The following SAFB2 variants were observed in gnomAD, a reference collection of about 807,000 sequenced individuals.
SAFB2 encodes the protein scaffold attachment factor B2.
In SAFB2, 32 loss-of-function variants were observed where a neutral mutation model predicts 100.6. The observed-to-expected ratio is 0.32, with a 90% CI of 0.24 to 0.43. The LOEUF (loss-of-function observed/expected upper bound fraction) is 0.43. SAFB2 is among the 20% of genes least tolerant of loss of function. The pLI is 1.00. For missense variants in SAFB2, 1,185 were observed against 1,163.4 expected (o/e 1.02, Z -0.27); for synonymous variants, 500 against 439.4 (o/e 1.14, Z -1.72).
intron 16 of SAFB2, 46 bp downstream of exon 16, chr19:5,592,701 G>C: frequency 6.2e-7 from 1 of 1,608,268 alleles, no homozygotes; most frequent in Non-Finnish European, 8.5e-7. Flanking sequence ...TGGATGCCCC[G>C]GTGCCCACAA....
chr19:5,618,526 G>A (rs901299381), intron 2 of SAFB2, among the ~76,000 whole-genome samples: 1 of 152,212 alleles, frequency 6.6e-6, no homozygotes, highest in African/African-American at 2.4e-5. Context: ...AACAACGCTA[G>A]CAGGTTTTAT....
At chr19:5,618,885 T>C (rs1213232367) in intron 2 of SAFB2, among the ~76,000 whole-genome samples, 1 of 152,228 alleles carries the variant, frequency 6.6e-6, no homozygotes, top group Non-Finnish European at 1.5e-5. Context: ...ATCTAAAACT[T>C]AAATTTTTAA....
At chr19:5,600,099 C>A (rs2052622800) in intron 12 of SAFB2, 31 bp downstream of exon 12, 1 of 1,599,420 alleles carries the variant, frequency 6.3e-7, no homozygotes, top group African/African-American at 1.4e-5. Context: ...CAGGCCTTCC[C>A]CTTCCACAGC....
intron 13 of SAFB2, among the ~76,000 whole-genome samples, chr19:5,598,256 A>T (rs937051002): frequency 6.6e-6 from 1 of 152,192 alleles, no homozygotes; most frequent in Non-Finnish European, 1.5e-5. Flanking sequence ...TAGAACCTGC[A>T]GCTGGGAAGC....
chr19:5,620,927 G>A (rs1047154084), intron 2 of SAFB2, among the ~76,000 whole-genome samples: 3 of 152,128 alleles, frequency 2.0e-5, no homozygotes, highest in African/African-American at 7.2e-5. Flanking sequence ...GTTCTATTCG[G>A]TCTCAGGTTG....
Position 5,622,591 on chromosome 19 carries a change from A to G in SAFB2, c.125T>C (p.Leu42Pro). 1.2e-6 allele frequency: 2 copies of G among 1,612,838 alleles called. No homozygotes were observed. The highest frequency in any genetic ancestry group is 1.7e-6 in the Non-Finnish European group (2 of 1,179,646). ...ELRVIDLRAE[L>P]KKRNLDTGGN... The stretch of plus-strand genomic sequence containing the variant: ...GCCCGTGTCCAGGTTCCGCTTCTTC[A>G]GCTCCGCCCGCAGATCGATCACCCG... The change falls in exon 1 of 21, where the codon CTG (leucine) becomes CCG (proline). Residue 42 changes from leucine (L) to proline (P), a missense_variant. By Grantham distance (98) the Leu-to-Pro change is moderately conservative. This residue lies in a region of SAFB2 where 351 missense variants were observed against 341.2 expected (regional missense o/e 1.03). Transcript: ENST00000252542.
chr19:5,621,861 C>T (rs990402853), intron 1 of SAFB2, among the ~76,000 whole-genome samples: 3 of 152,234 alleles, frequency 2.0e-5, no homozygotes, highest in Non-Finnish European at 4.4e-5. Context: ...CAAGCTCCCT[C>T]CCTATGCTCA....
chr19:5,619,776 C>T (rs550104747), intron 2 of SAFB2, among the ~76,000 whole-genome samples: 1 of 150,836 alleles, frequency 6.6e-6, no homozygotes, highest in Admixed American at 6.7e-5. Context: ...ACCCGGGAGG[C>T]GGAGGTTGCA....
At chr19:5,593,404 G>A (rs1411033987) in intron 15 of SAFB2, among the ~76,000 whole-genome samples, 1 of 152,176 alleles carries the variant, frequency 6.6e-6, no homozygotes, top group East Asian at 1.9e-4. Context: ...GGTGAAGGGT[G>A]ACTGTCAATT....
intron 18 of SAFB2, 137 bp from the exon 19 acceptor site, chr19:5,588,117 A>G (rs2052303907): frequency 1.3e-6 from 1 of 742,358 alleles, no homozygotes; most frequent in East Asian, 2.8e-5. Flanking sequence ...TGGGCAAATC[A>G]AGGGAAGGGA....
intron 18 of SAFB2, among the ~76,000 whole-genome samples, chr19:5,589,989 T>C (rs1254727962): frequency 2.0e-5 from 3 of 152,150 alleles, no homozygotes; most frequent in African/African-American, 7.2e-5. Context: ...TCCCAGTGTG[T>C]ACGCAGCCCA....
chr19:5,607,439 G>T (rs534840164), intron 9 of SAFB2, among the ~76,000 whole-genome samples: 1 of 152,294 alleles, frequency 6.6e-6, no homozygotes, highest in African/African-American at 2.4e-5. Context: ...TATTCCCACA[G>T]AGTTCTTGCA....
At chr19:5,596,520 T>G (rs1322195410) in intron 13 of SAFB2, among the ~76,000 whole-genome samples, 1 of 152,170 alleles carries the variant, frequency 6.6e-6, no homozygotes, top group Non-Finnish European at 1.5e-5. Context: ...AATTTTTCTA[T>G]TTTTGTAGAG....
intron 2 of SAFB2, among the ~76,000 whole-genome samples, chr19:5,617,275 T>C (rs1383897432): frequency 6.6e-6 from 1 of 152,124 alleles, no homozygotes; most frequent in African/African-American, 2.4e-5. Context: ...AGAACTTTTT[T>C]TTTTCCCCCA....
chr19:5,621,462 G>C, intron 1 of SAFB2, 66 bp from the exon 2 acceptor site: 1 of 1,020,350 alleles, frequency 9.8e-7, no homozygotes, highest in Admixed American at 1.7e-5. Flanking sequence ...TTCCTTACAA[G>C]TAACAACCTC....
Position 5,604,864 on chromosome 19 carries a change from T to C in SAFB2, c.1369A>G (p.Thr457Ala), listed in dbSNP as rs61748936. Residue 457 changes from threonine to alanine, a missense_variant, in exon 10 of 21, where the codon ACA becomes GCA. Transcript: ENST00000252542. The stretch of plus-strand genomic sequence containing the variant: ...ATGCACTTGGTCGCCTCGTCAGATG[T>C]CGACATGGTGACGAATCCATAGCAT... ...ARCYGFVTMSTSDEATKCISH... is the reference protein window; with the variant it reads ...ARCYGFVTMSASDEATKCISH... 0.01 allele frequency: 16,894 copies of C among 1,614,160 alleles called. 108 individuals are homozygous for C. Among genetic ancestry groups the C allele is most frequent in the Non-Finnish European group, 0.013 (15,150 of 1,180,036 alleles).
chr19:5,588,503 G>A (rs1430208720), intron 18 of SAFB2, among the ~76,000 whole-genome samples: 2 of 152,182 alleles, frequency 1.3e-5, no homozygotes, highest in African/African-American at 4.8e-5. Context: ...CCCATGAACT[G>A]ATGAGCAGAT....
At chr19:5,615,002 G>A (rs2052992113) in intron 4 of SAFB2, among the ~76,000 whole-genome samples, 1 of 152,014 alleles carries the variant, frequency 6.6e-6, no homozygotes, top group South Asian at 2.1e-4. Context: ...CTTGAGGTCA[G>A]GAGTTCGAGA....
Position 5,591,791 on chromosome 19 carries a change from C to G in SAFB2, c.2351G>C (p.Arg784Pro). ...TCCCATCATTGGCCTCGAACCCTCC[C>G]GCCTGCAAAAGGAAAAGATCCCGTT... ...GQYQDHAIDR[R>P]EGSRPMMGDH... is the part of the protein sequence containing the mutation. The change falls in exon 17 of 21, where the codon CGG (arginine) becomes CCG (proline). Residue 784 changes from arginine (R) to proline (P), a missense_variant and splice_region_variant. By Grantham distance (103) the Arg-to-Pro change is moderately radical. Around this residue, in one of 3 missense-constraint regions of SAFB2, gnomAD observed 740 missense variants for 687.1 expected, o/e 1.08. Transcript: ENST00000252542. 1.9e-6 allele frequency: 3 copies of G among 1,614,034 alleles called. No homozygotes were observed. The highest frequency in any genetic ancestry group is 2.5e-6 in the Non-Finnish European group (3 of 1,179,986).
Sources: allele counts gnomAD v4.1 joint callset (sites outside exome capture counted in the v4.1 genomes callset), GRCh38; gene constraint gnomAD v4.1.1; regional missense constraint gnomAD v4.1.1; transcripts MANE v1.5; gene names NCBI Gene and HGNC (gene_info 2026-07-23, HGNC 2026-07-21).